The following MGAT4C variants were observed in gnomAD, a reference collection of about 807,000 sequenced individuals.
MGAT4C encodes MGAT4 family member C.
MGAT4C carries 19 observed loss-of-function variants against 40.1 expected under a neutral mutation model. The observed-to-expected ratio is 0.47, with a 90% CI of 0.33 to 0.70. The LOEUF (loss-of-function observed/expected upper bound fraction) is 0.70. MGAT4C is among the 30% of genes least tolerant of loss of function. MGAT4C has a pLI of 0.02. For synonymous variants in MGAT4C, 181 were observed against 187.1 expected, an observed-to-expected ratio of 0.97 and a Z score of 0.27; for missense variants, 491 against 563.2, an observed-to-expected ratio of 0.87 and a Z score of 1.30.
At chr12:86,205,593 T>C (rs1273193750) in intron 1 of MGAT4C, among the ~76,000 whole-genome samples, 1 of 151,924 alleles carries the variant, frequency 6.6e-6, no homozygotes, top group Non-Finnish European at 1.5e-5. Flanking sequence ...TTATAGCTAT[T>C]AGTATATATA....
chr12:86,708,842 T>G (rs1189082579), intron 2 of MGAT4C, among the ~76,000 whole-genome samples: 2 of 152,340 alleles, frequency 1.3e-5, no homozygotes, highest in African/African-American at 2.4e-5. Flanking sequence ...CCCACACCTG[T>G]ATCCCCATTT....
At chr12:86,360,104 A>G (rs1160546813) in intron 3 of MGAT4C, among the ~76,000 whole-genome samples, 13 of 152,192 alleles carry the variant, frequency 8.5e-5, no homozygotes, top group Non-Finnish European at 1.5e-4. Flanking sequence ...CGGGCAAACC[A>G]AATCCAGCAG....
At chr12:86,404,162 A>G (rs1440839979) in intron 3 of MGAT4C, among the ~76,000 whole-genome samples, 1 of 152,160 alleles carries the variant, frequency 6.6e-6, no homozygotes, top group East Asian at 1.9e-4. Flanking sequence ...CAGCCTGGGC[A>G]ACAGAGTGAG....
chr12:86,303,007 C>T (rs958125575), intron 4 of MGAT4C, among the ~76,000 whole-genome samples: 1 of 150,608 alleles, frequency 6.6e-6, no homozygotes, highest in Non-Finnish European at 1.5e-5. Context: ...GAGGTTCTTC[C>T]ACCAGCTCAG....
intron 1 of MGAT4C, among the ~76,000 whole-genome samples, chr12:86,122,569 A>G (rs929511503): frequency 6.6e-6 from 1 of 152,300 alleles, no homozygotes; most frequent in South Asian, 2.1e-4. Context: ...CAAGCATTTC[A>G]TCTACGTTAA....
At chr12:86,325,358 A>C (rs1954501156) in intron 4 of MGAT4C, among the ~76,000 whole-genome samples, 1 of 152,176 alleles carries the variant, frequency 6.6e-6, no homozygotes, top group Admixed American at 6.5e-5. Context: ...TTTATTTAGA[A>C]CTTAGTAGAG....
At chr12:86,318,195 T>G (rs1308000483) in intron 4 of MGAT4C, among the ~76,000 whole-genome samples, 1 of 151,296 alleles carries the variant, frequency 6.6e-6, no homozygotes, top group Non-Finnish European at 1.5e-5. Flanking sequence ...ATAAAATATA[T>G]AATCTATTTT....
intron 2 of MGAT4C, among the ~76,000 whole-genome samples, chr12:86,028,673 A>T (rs1262200777): frequency 1.3e-5 from 2 of 151,898 alleles, no homozygotes; most frequent in Non-Finnish European, 2.9e-5. Context: ...ACATCAAGAA[A>T]ATTGTTTCTG....
intron 1 of MGAT4C, among the ~76,000 whole-genome samples, chr12:86,768,276 C>A (rs1271566136): frequency 1.3e-5 from 2 of 151,968 alleles, no homozygotes; most frequent in African/African-American, 4.8e-5. Context: ...AATTGCTTCA[C>A]AGAGAATAAA....
intron 2 of MGAT4C, among the ~76,000 whole-genome samples, chr12:86,603,749 TA>T (rs1565878469): frequency 7.7e-6 from 1 of 129,848 alleles, no homozygotes; most frequent in South Asian, 2.2e-4. Flanking sequence ...TACTATATAT[TA>T]TATATAATAT....
At chr12:86,102,725 A>G (rs1425855820) in intron 1 of MGAT4C, among the ~76,000 whole-genome samples, 5 of 152,160 alleles carry the variant, frequency 3.3e-5, no homozygotes, top group African/African-American at 9.6e-5. Context: ...TATTCTTAGT[A>G]GTCTTACCCA....
rs561435457 is a variant in MGAT4C, at chr12:86,289,263, T to C, written c.-57+44802A>G. Reference sequence around the variant, plus strand: ...GGCTCTCTATTCTGTTCCACTAGTCTACGTGTTTGTTTTTGTACCAATACC... The same window carrying C: ...GGCTCTCTATTCTGTTCCACTAGTCCACGTGTTTGTTTTTGTACCAATACC... On this transcript the variant is annotated intron_variant, in intron 4 of 7. Coordinates refer to the MGAT4C transcript ENST00000548651. Among the ~76,000 whole-genome samples, 11 of 144,544 alleles carry C rather than the reference T, an allele frequency of 7.6e-5. No homozygotes were observed. The East Asian group carries it at 1.8e-3, about 23-fold the overall frequency. 94.8% of individuals were successfully genotyped at this position (144,544 alleles called of 152,430 possible).
At chr12:86,395,780 A>G (rs1207139060) in intron 3 of MGAT4C, among the ~76,000 whole-genome samples, 1 of 152,130 alleles carries the variant, frequency 6.6e-6, no homozygotes, top group Non-Finnish European at 1.5e-5. Flanking sequence ...AACTTCATCT[A>G]TTTTTTTGTG....
At chr12:86,477,260 A>T (rs1454335024) in intron 2 of MGAT4C, among the ~76,000 whole-genome samples, 2 of 152,068 alleles carry the variant, frequency 1.3e-5, no homozygotes, top group Non-Finnish European at 2.9e-5. Flanking sequence ...TGTTATTTGC[A>T]GTGACATGAA....
intron 2 of MGAT4C, among the ~76,000 whole-genome samples, chr12:86,567,585 C>T (rs1380597394): frequency 2.6e-5 from 4 of 152,078 alleles, no homozygotes; most frequent in Non-Finnish European, 5.9e-5. Flanking sequence ...TACAACAGCC[C>T]ACTCCAGGCA....
In MGAT4C at chr12:85,979,231, T is replaced by G; in HGVS notation, c.*58A>C. On this transcript the variant is annotated 3_prime_UTR_variant, in exon 5 of 5. Transcript: ENST00000611864. ...TTGCTTTCCCTCCAAAAGACAAAGG[T>G]AGCAAAAGACGAAGCAGGAAGAACT... 7.3e-7 allele frequency: 1 copy of G among 1,374,914 alleles called. No individual in the cohort carries two copies. The highest frequency in any genetic ancestry group is 1.5e-5 in the South Asian group (1 of 68,146). 85.2% of individuals were successfully genotyped at this position (1,374,914 alleles called of 1,614,324 possible).
intron 1 of MGAT4C, among the ~76,000 whole-genome samples, chr12:86,138,674 T>C: frequency 1.4e-5 from 2 of 147,602 alleles, no homozygotes; most frequent in South Asian, 4.4e-4. Flanking sequence ...TCATATATAT[T>C]TCCATATATA....
intron 2 of MGAT4C, among the ~76,000 whole-genome samples, chr12:86,511,866 T>C (rs925121156): frequency 5.9e-5 from 9 of 152,126 alleles, no homozygotes; most frequent in South Asian, 2.1e-4. Context: ...ACTAACAACA[T>C]TGGCAACAAA....
chr12:86,466,201 A>G (rs866784570), intron 2 of MGAT4C, among the ~76,000 whole-genome samples: 22 of 99,108 alleles, frequency 2.2e-4, no homozygotes, highest in African/African-American at 7.9e-4. Flanking sequence ...AGAGATCAAG[A>G]CTCCGTCAAA....
Sources: allele counts gnomAD v4.1 joint callset (sites outside exome capture counted in the v4.1 genomes callset), GRCh38; gene constraint gnomAD v4.1.1; transcripts MANE v1.5; gene names NCBI Gene and HGNC (gene_info 2026-07-23, HGNC 2026-07-21).